CDC42BPA: variants seen among roughly 807,000 people sequenced by gnomAD.
CDC42BPA encodes the protein serine/threonine-protein kinase MRCK alpha.
Under a neutral mutation model 223.5 loss-of-function variants are expected in CDC42BPA, and 80 were observed. The observed-to-expected ratio is 0.36, with a 90% confidence interval of 0.30 to 0.43. The LOEUF is 0.43. Among genes scored for constraint, CDC42BPA ranks in the 20% least tolerant of loss-of-function variants. CDC42BPA has a pLI of 1.00. For synonymous variants in CDC42BPA, 694 were observed against 718.6 expected, an observed-to-expected ratio of 0.97 and a Z score of 0.55; for missense variants, 1,743 against 2,099.9, an observed-to-expected ratio of 0.83 and a Z score of 3.32.
intron 6 of CDC42BPA, among the ~76,000 whole-genome samples, chr1:227,156,450 C>CTCTCAAAG (rs1662821988): frequency 1.2e-3 from 4 of 3,474 alleles, no homozygotes; most frequent in Admixed American, 4.3e-3. Flanking sequence ...TGCCATAGGC[C>CTCTCAAAG]TCTCAAAGAC....
chr1:227,142,599 C>T (rs72750187), intron 9 of CDC42BPA, among the ~76,000 whole-genome samples: 13,719 of 151,184 alleles, frequency 0.091, 737 homozygotes, highest in East Asian at 0.17. Context: ...ATTTAATTTG[C>T]TTTAAATTGT....
chr1:227,084,217 C>T (rs1681332753), intron 16 of CDC42BPA, among the ~76,000 whole-genome samples: 1 of 152,128 alleles, frequency 6.6e-6, no homozygotes, highest in Non-Finnish European at 1.5e-5. Flanking sequence ...AAAGTTCTTG[C>T]TTTAAGTTTT....
intron 5 of CDC42BPA, among the ~76,000 whole-genome samples, chr1:227,161,442 T>C (rs1663874074): frequency 6.6e-6 from 1 of 152,208 alleles, no homozygotes; most frequent in Admixed American, 6.5e-5. Context: ...AGAACCTATA[T>C]ATTTTTTAAA....
intron 1 of CDC42BPA, among the ~76,000 whole-genome samples, chr1:227,288,198 A>T (rs1174100495): frequency 6.6e-6 from 1 of 152,128 alleles, no homozygotes; most frequent in Non-Finnish European, 1.5e-5. Context: ...ATCACCCATT[A>T]TTTCCCAATA....
intron 1 of CDC42BPA, among the ~76,000 whole-genome samples, chr1:227,267,134 G>C (rs1229062238): frequency 6.6e-6 from 1 of 152,110 alleles, no homozygotes; most frequent in Non-Finnish European, 1.5e-5. Flanking sequence ...CTAAGAAAAT[G>C]CTTAATTTAT....
intron 16 of CDC42BPA, among the ~76,000 whole-genome samples, chr1:227,090,504 C>G (rs942606979): frequency 6.6e-6 from 1 of 152,074 alleles, no homozygotes; most frequent in African/African-American, 2.4e-5. Context: ...ATTAAAACTT[C>G]TGGGCTGGGC....
chr1:227,316,210 T>C (rs972930868), intron 1 of CDC42BPA, among the ~76,000 whole-genome samples: 2 of 152,184 alleles, frequency 1.3e-5, no homozygotes, highest in Non-Finnish European at 2.9e-5. Context: ...GTGCCCTGTA[T>C]GTAACAGCAG....
At chr1:227,185,478 A>C (rs990109895) in intron 5 of CDC42BPA, among the ~76,000 whole-genome samples, 1 of 152,120 alleles carries the variant, frequency 6.6e-6, no homozygotes, top group Non-Finnish European at 1.5e-5. Context: ...TTTGCATATT[A>C]AAAAGAGAGG....
chr1:227,131,580 G>C lies in CDC42BPA; in HGVS notation c.1391-2349C>G, dbSNP rs533656339. On this transcript the variant is annotated intron_variant, in intron 10 of 36. Transcript: ENST00000366766. Reference sequence around the variant, plus strand: ...ACTTAGCTCCTTTTTGTCCTAGCAGGGAACATCACCGTGTGATAAATGAAA... The same window carrying C: ...ACTTAGCTCCTTTTTGTCCTAGCAGCGAACATCACCGTGTGATAAATGAAA... Among the ~76,000 whole-genome samples, 10 of 152,246 alleles carry C rather than the reference G, an allele frequency of 6.6e-5. No homozygotes were observed. In the South Asian group the frequency reaches 2.1e-3, roughly 32 times the overall value.
chr1:227,066,917 T>C (rs554276936), intron 21 of CDC42BPA, among the ~76,000 whole-genome samples: 1 of 152,278 alleles, frequency 6.6e-6, no homozygotes, highest in African/African-American at 2.4e-5. Flanking sequence ...TAGAAAGTTG[T>C]ACAGGCAGGA....
At chr1:227,194,630 T>C (rs1670365450) in intron 4 of CDC42BPA, among the ~76,000 whole-genome samples, 1 of 152,204 alleles carries the variant, frequency 6.6e-6, no homozygotes, top group Non-Finnish European at 1.5e-5. Flanking sequence ...TTCACTGAGA[T>C]TCTGTAGGTT....
At chr1:227,149,936 A>G (rs972351342) in intron 6 of CDC42BPA, among the ~76,000 whole-genome samples, 4 of 152,188 alleles carry the variant, frequency 2.6e-5, no homozygotes, top group Non-Finnish European at 2.9e-5. Context: ...TAAAGTACTT[A>G]GAAGAGGTTG....
intron 8 of CDC42BPA, among the ~76,000 whole-genome samples, chr1:227,143,747 G>A (rs1427483847): frequency 1.3e-5 from 2 of 152,180 alleles, no homozygotes; most frequent in Non-Finnish European, 2.9e-5. Context: ...TTAAAGAGAA[G>A]CACACATAAA....
chr1:227,113,015 T>G, intron 12 of CDC42BPA, 102 bp from the exon 13 acceptor site: 1 of 1,066,770 alleles, frequency 9.4e-7, no homozygotes, highest in African/African-American at 1.6e-5. Flanking sequence ...GCCAAAATTA[T>G]TCACCTTAGG....
chr1:227,015,294 G>A (rs750945030), intron 34 of CDC42BPA, among the ~76,000 whole-genome samples: 7 of 152,020 alleles, frequency 4.6e-5, no homozygotes, highest in Non-Finnish European at 8.8e-5. Context: ...ATGGTGGTGG[G>A]TGCCTGTAAT....
chr1:227,255,950 T>C (rs1682966336), intron 1 of CDC42BPA, among the ~76,000 whole-genome samples: 1 of 151,924 alleles, frequency 6.6e-6, no homozygotes, highest in South Asian at 2.1e-4. Flanking sequence ...GAAAAACTCA[T>C]CCTAAAATTC....
intron 17 of CDC42BPA, among the ~76,000 whole-genome samples, chr1:227,077,158 T>C (rs772496194): frequency 6.6e-6 from 1 of 152,220 alleles, no homozygotes. Flanking sequence ...GGAACTTTGA[T>C]TCTTAAGTCA....
chr1:227,021,745 C>T (rs368593991), intron 32 of CDC42BPA, among the ~76,000 whole-genome samples: 11 of 151,936 alleles, frequency 7.2e-5, no homozygotes, highest in African/African-American at 1.7e-4. Context: ...CATGGCCAGG[C>T]GCGGTGGCTC....
intron 5 of CDC42BPA, among the ~76,000 whole-genome samples, chr1:227,187,497 A>C (rs1273486077): frequency 2.9e-5 from 4 of 139,654 alleles, no homozygotes; most frequent in Non-Finnish European, 6.4e-5. Context: ...AAAAAAAAAA[A>C]AACAGAACAG....
Sources: gnomAD v4.1 joint callset for allele counts (sites outside exome capture counted in the v4.1 genomes callset) on GRCh38, gnomAD v4.1.1 for gene constraint, MANE v1.5 for transcripts, NCBI Gene and HGNC (gene_info 2026-07-23, HGNC 2026-07-21) for gene names.